KCNAB3: variants seen among roughly 807,000 people sequenced by gnomAD.
KCNAB3 encodes potassium voltage-gated channel subfamily A regulatory beta subunit 3.
A neutral mutation model predicts 67.7 loss-of-function variants in KCNAB3; 62 were observed. That is an observed-to-expected ratio of 0.92 (90% CI 0.75 to 1.13). KCNAB3 has a LOEUF of 1.13. Among genes scored for constraint, KCNAB3 ranks in the 50% most tolerant of loss-of-function variants. KCNAB3 has a pLI of 0.00. For missense variants in KCNAB3, 514 were observed against 522.9 expected (o/e 0.98, Z 0.17); for synonymous variants, 212 against 205.4 (o/e 1.03, Z -0.27).
rs1454627214 is a variant in KCNAB3 at position 7,929,834 on chromosome 17, C to T, written c.-399G>A. ...CTGCGGGACCCGCTGGGCTCCCAGC[C>T]GCGTCGGCAGCGGGCCCAGCTCATC... On this transcript the variant is annotated 5_prime_UTR_variant, in exon 1 of 14. Transcript: ENST00000303790. The surrounding 1 kb of genome is among the most constrained non-coding windows in gnomAD (Gnocchi z 5.7). The T allele has an allele frequency of 6.1e-5, 63 of 1,026,734 alleles. No individual in the cohort carries two copies. The highest frequency in any genetic ancestry group is 6.0e-4 in the Admixed American group (11 of 18,240). The allele number at this position is 1,026,734 out of a possible 1,614,324, so 63.6% of individuals were successfully genotyped here. A position where few individuals can be genotyped will look rare whatever the true frequency, so the allele number is the denominator to read the frequency against.
At chr17:7,924,547 C>A in intron 8 of KCNAB3, 47 bp from the exon 9 acceptor site, 1 of 1,559,150 alleles carries the variant, frequency 6.4e-7, no homozygotes, top group South Asian at 1.2e-5. Flanking sequence ...GCCCTGGAAT[C>A]TAAGACTCCA....
intron 8 of KCNAB3, 112 bp downstream of exon 8, chr17:7,924,985 A>G: frequency 1.1e-6 from 1 of 913,392 alleles, no homozygotes; most frequent in Non-Finnish European, 1.8e-6. Flanking sequence ...GCCCCAAGTG[A>G]TCCTCCTGCC....
chr17:7,926,954 G>A (rs181583192), intron 4 of KCNAB3, among the ~76,000 whole-genome samples: 291 of 152,198 alleles, frequency 1.9e-3, no homozygotes, highest in Non-Finnish European at 3.2e-3. Context: ...TTGAAGGAGC[G>A]GACACTCGGG....
Position 7,922,925 on chromosome 17 carries a change from A to C in KCNAB3, c.*177T>G. 1 of 625,326 alleles carries C rather than the reference A, an allele frequency of 1.6e-6. No individual in the cohort carries two copies. Among genetic ancestry groups the C allele is most frequent in the South Asian group, 1.8e-5 (1 of 55,508 alleles). The allele number at this position is 625,326 out of a possible 1,614,324, so 38.7% of individuals were successfully genotyped here. On this transcript the variant is annotated 3_prime_UTR_variant, in exon 14 of 14. Transcript: ENST00000303790. ...CTACTTTCTCTCTCGACCCCACTGCAAAAGGATATGGCTTTGTTCATGCGT... is the reference window on the plus strand; with the variant it reads ...CTACTTTCTCTCTCGACCCCACTGCCAAAGGATATGGCTTTGTTCATGCGT...
chr17:7,922,760 T>C lies in KCNAB3; in HGVS notation c.*342A>G. The C allele has an allele frequency of 2.7e-6, 1 of 373,374 alleles. No individual in the cohort carries two copies. Among genetic ancestry groups the C allele is most frequent in the Non-Finnish European group, 5.1e-6 (1 of 197,864 alleles). The allele number at this position is 373,374 out of a possible 1,614,324, so 23.1% of individuals were successfully genotyped here. A position where few individuals can be genotyped will look rare whatever the true frequency, so the allele number is the denominator to read the frequency against. On this transcript the variant is annotated 3_prime_UTR_variant, in exon 14 of 14. Coordinates refer to ENST00000303790, the MANE Select transcript of KCNAB3 (RefSeq NM_004732.4). ...GTTTCTTGTATGTGCTGGGTTTTTG[T>C]TTTTGTTTTCTTTTCTGGGCCTCGG...
Position 7,922,031 on chromosome 17 carries a change from G to T in KCNAB3, c.*1071C>A, listed in dbSNP as rs1191834474. The T allele has an allele frequency of 6.6e-6, 1 of 152,204 alleles. No individual in the cohort carries two copies. The highest frequency in any genetic ancestry group is 6.5e-5 in the Admixed American group (1 of 15,272). 9.4% of individuals were successfully genotyped at this position (152,204 alleles called of 1,614,324 possible). ...GGTGTCTTGGTCCTTGATGAGAACA[G>T]TGACTAGGAGCCCGATGCCTGGGTC... On this transcript the variant is annotated 3_prime_UTR_variant, in exon 14 of 14. Coordinates refer to ENST00000303790, the MANE Select transcript of KCNAB3 (RefSeq NM_004732.4).
rs1234946658 is a variant in KCNAB3, at chr17:7,922,731, G to A, written c.*371C>T. ...TCAAGGGCCCCTTTTGAGGTACACT[G>A]TATGTTTCTTGTATGTGCTGGGTTT... On this transcript the variant is annotated 3_prime_UTR_variant, in exon 14 of 14. Coordinates refer to ENST00000303790, the MANE Select transcript of KCNAB3 (RefSeq NM_004732.4). 1.9e-5 allele frequency: 6 copies of A among 309,936 alleles called. No individual in the cohort carries two copies. Among genetic ancestry groups the A allele is most frequent in the African/African-American group, 1.3e-4 (6 of 47,404 alleles). The allele number at this position is 309,936 out of a possible 1,614,324, so 19.2% of individuals were successfully genotyped here. A position where few individuals can be genotyped will look rare whatever the true frequency, so the allele number is the denominator to read the frequency against.
intron 8 of KCNAB3, 49 bp downstream of exon 8, chr17:7,925,048 G>T: frequency 1.3e-6 from 2 of 1,545,938 alleles, no homozygotes; most frequent in African/African-American, 1.4e-5. Flanking sequence ...ACCCAGCAAG[G>T]AAGTGCTCAG....
In KCNAB3 at chr17:7,927,679, A is replaced by C. The variant is rs760183564; in HGVS notation, c.302T>G (p.Phe101Cys). ...TACCTCATCTGAGATCTGAGAACCA[A>C]ATGTGACCCAGGTACCTGCAAGAGA... ...SCLGLGTWVT[F>C]GSQISDETAE... is the part of the protein sequence containing the mutation. Residue 101 changes from phenylalanine to cysteine, a missense_variant, in exon 3 of 14, where the codon TTT becomes TGT. Phe to Cys is a radical substitution (Grantham distance 205). Coordinates refer to ENST00000303790, the MANE Select transcript of KCNAB3 (RefSeq NM_004732.4). 5.6e-6 allele frequency: 9 copies of C among 1,614,032 alleles called. No homozygotes were observed. In the East Asian group the frequency reaches 2.0e-4, roughly 36 times the overall value.
chr17:7,923,948 C>T lies in KCNAB3; in HGVS notation c.927+20G>A, dbSNP rs1371429643. The T allele has an allele frequency of 6.8e-6, 11 of 1,609,208 alleles. No homozygotes were observed. The highest frequency in any genetic ancestry group is 1.1e-5 in the South Asian group (1 of 90,250). On this transcript the variant is annotated intron_variant, in intron 11 of 13. Transcript: ENST00000303790. ...AGCCCATATAGCCCAGTCCTGCCAT[C>T]GAGAGCCCCCAGATCTCACCTTGAT... is the stretch of plus-strand genomic sequence containing the variant.
rs1254472635 is a variant in KCNAB3, at chr17:7,929,316, G to A, written c.120C>T (p.His40=). The A allele has an allele frequency of 2.8e-5, 43 of 1,556,868 alleles. No homozygotes were observed. Among genetic ancestry groups the A allele is most frequent in the Non-Finnish European group, 3.0e-5 (35 of 1,151,180 alleles). ...GGNGGPAGGG[H]GNPPGGGGSG... is the part of the protein sequence containing the mutation. ...ACCCTCCACCCCCCGGAGGATTCCCGTGCCCCCCGCCGGCCGGCCCACCAT... is the reference window on the plus strand; with the variant it reads ...ACCCTCCACCCCCCGGAGGATTCCCATGCCCCCCGCCGGCCGGCCCACCAT... Residue 40 remains histidine (H), a synonymous_variant, in exon 1 of 14, where the codon CAC becomes CAT. Coordinates refer to ENST00000303790, the MANE Select transcript of KCNAB3 (RefSeq NM_004732.4). The surrounding 1 kb of genome is among the most constrained non-coding windows in gnomAD (Gnocchi z 5.7).
chr17:7,929,214 T>A lies in KCNAB3; in HGVS notation c.222A>T (p.Arg74=). Residue 74 remains arginine, a synonymous_variant, in exon 1 of 14, where the codon CGA becomes CGT. Coordinates refer to ENST00000303790, the MANE Select transcript of KCNAB3 (RefSeq NM_004732.4). The surrounding 1 kb of genome is among the most constrained non-coding windows in gnomAD (Gnocchi z 5.7). ...CATACCTGTATTTCATGCCAGTGCC[T>A]CGGCCGGTGCTCTCTCGGAGGGCCC... The part of the protein sequence containing the change: ...PAGALRESTG[R]GTGMKYRNLG... The A allele has an allele frequency of 6.2e-7, 1 of 1,611,422 alleles. No individual in the cohort carries two copies. Among genetic ancestry groups the A allele is most frequent in the Non-Finnish European group, 8.5e-7 (1 of 1,179,428 alleles).
rs1385369991 is a variant in KCNAB3 at position 7,922,893 on chromosome 17, G to C, written c.*209C>G. The C allele has an allele frequency of 1.7e-6, 1 of 588,636 alleles. No individual in the cohort carries two copies. The highest frequency in any genetic ancestry group is 3.1e-6 in the Non-Finnish European group (1 of 327,480). 36.5% of individuals were successfully genotyped at this position (588,636 alleles called of 1,614,324 possible). A position where few individuals can be genotyped will look rare whatever the true frequency, so the allele number is the denominator to read the frequency against. On this transcript the variant is annotated 3_prime_UTR_variant, in exon 14 of 14. Coordinates refer to ENST00000303790, the MANE Select transcript of KCNAB3 (RefSeq NM_004732.4). ...GGCCTAGAAAGACGCAGCAGGGGGC[G>C]GGCGTGCTACTTTCTCTCTCGACCC...
At chr17:7,924,636 C>T in intron 8 of KCNAB3, 136 bp from the exon 9 acceptor site, 1 of 1,407,962 alleles carries the variant, frequency 7.1e-7, no homozygotes, top group Non-Finnish European at 9.2e-7. Context: ...TACTCTTTGC[C>T]TCTCTTCCTG....
Position 7,929,796 on chromosome 17 carries a change from T to G in KCNAB3, c.-361A>C. The G allele has an allele frequency of 8.9e-7, 1 of 1,129,040 alleles. No individual in the cohort carries two copies. The highest frequency in any genetic ancestry group is 1.1e-6 in the Non-Finnish European group (1 of 916,556). 69.9% of individuals were successfully genotyped at this position (1,129,040 alleles called of 1,614,324 possible). A position where few individuals can be genotyped will look rare whatever the true frequency, so the allele number is the denominator to read the frequency against. ...AGCGGGGCGGGAGAGAGATGCCACT[T>G]CAGCGCGAACCGCTGCGGGACCCGC... On this transcript the variant is annotated 5_prime_UTR_variant, in exon 1 of 14. Transcript: ENST00000303790. This position sits in a 1 kb window ranked among gnomAD's most constrained non-coding sequence, Gnocchi z 5.7.
In KCNAB3 at chr17:7,923,805, C is replaced by A; in HGVS notation, c.954G>T (p.Val318=). 1 of 1,580,462 alleles carries A rather than the reference C, an allele frequency of 6.3e-7. No homozygotes were observed. Among genetic ancestry groups the A allele is most frequent in the Non-Finnish European group, 8.6e-7 (1 of 1,162,576 alleles). Reference sequence around the variant, plus strand: ...GTTGCTTCTTGCCATCTTCACTCTGCACTTTGTCCTTGAGCCACTGGTAGC... The same window carrying A: ...GTTGCTTCTTGCCATCTTCACTCTGAACTTTGTCCTTGAGCCACTGGTAGC... ...IKGYQWLKDK[V]QSEDGKKQQA... The change falls in exon 12 of 14, where the codon GTG becomes GTT. Residue 318 remains valine, a synonymous_variant. Coordinates refer to ENST00000303790, the MANE Select transcript of KCNAB3 (RefSeq NM_004732.4).
chr17:7,923,258 A>T lies in KCNAB3; in HGVS notation c.1138-79T>A, dbSNP rs1598031703. The T allele has an allele frequency of 2.8e-6, 4 of 1,453,088 alleles. No homozygotes were observed. The African/African-American group carries it at 5.6e-5, about 20-fold the overall frequency. The allele number at this position is 1,453,088 out of a possible 1,614,324, so 90.0% of individuals were successfully genotyped here. ...GGGCATGGGGTTCCAGTAGCCGGGG[A>T]AGCACCACAGTGGGGTCAAGTGGCA... On this transcript the variant is annotated intron_variant, in intron 13 of 13. Transcript: ENST00000303790.
chr17:7,927,332 C>A lies in KCNAB3; in HGVS notation c.404+12G>T, dbSNP rs1259719912. The A allele has an allele frequency of 6.2e-7, 1 of 1,612,328 alleles. No individual in the cohort carries two copies. The highest frequency in any genetic ancestry group is 8.5e-7 in the Non-Finnish European group (1 of 1,178,988). On this transcript the variant is annotated intron_variant, in intron 4 of 13. Transcript: ENST00000303790. ...TCCAAATGGAGCTTAGCTCTTTCAC[C>A]CCAGTCCTTACTTTCCTGCTGCGTA... is the stretch of plus-strand genomic sequence containing the variant.
At position 7,925,161 on chromosome 17, in the gene KCNAB3, G is replaced by C. The variant is rs778615526; in HGVS notation, c.561C>G (p.Arg187=). 5 of 1,613,692 alleles carry C rather than the reference G, an allele frequency of 3.1e-6. No individual in the cohort carries two copies. In the African/African-American group the frequency reaches 5.3e-5, roughly 17 times the overall value. The change falls in exon 8 of 14, where the codon CGC becomes CGG. Residue 187 remains arginine (R), a synonymous_variant. Coordinates refer to ENST00000303790, the MANE Select transcript of KCNAB3 (RefSeq NM_004732.4). The part of the protein sequence containing the change: ...IIEGLRGSLE[R]LQLGYVDIVF... The stretch of plus-strand genomic sequence containing the variant: ...CAATGTCCACGTATCCCAGCTGGAG[G>C]CGTTCCAGGGATCCTCGCAAGCCTG...
Sources: allele counts gnomAD v4.1 joint callset (sites outside exome capture counted in the v4.1 genomes callset), GRCh38; gene constraint gnomAD v4.1.1; non-coding constraint Gnocchi (gnomAD v3.1); transcripts MANE v1.5; gene names NCBI Gene and HGNC (gene_info 2026-07-23, HGNC 2026-07-21).